Variants in PTPRD observed in about 807,000 individuals in gnomAD.
PTPRD encodes receptor-type tyrosine-protein phosphatase delta.
Under a neutral mutation model 214.5 loss-of-function variants are expected in PTPRD, and 34 were observed. That is an observed-to-expected ratio of 0.16 (90% CI 0.12 to 0.21). The LOEUF (loss-of-function observed/expected upper bound fraction) is 0.21, where lower values mean the gene tolerates loss of function less well. Among genes scored for constraint, PTPRD ranks in the 10% least tolerant of loss-of-function variants. The pLI is 1.00. For missense variants in PTPRD, 2,545 were observed against 2,398.7 expected, an observed-to-expected ratio of 1.06 and a Z score of -1.27; for synonymous variants, 1,128 against 845.7, an observed-to-expected ratio of 1.33 and a Z score of -5.79.
chr9:8,466,836 T>C (rs994983052), intron 31 of PTPRD, among the ~76,000 whole-genome samples: 2 of 151,834 alleles, frequency 1.3e-5, no homozygotes, highest in African/African-American at 2.4e-5. Flanking sequence ...AGCCCTGTTT[T>C]TGTAAATAGA....
intron 2 of PTPRD, among the ~76,000 whole-genome samples, chr9:10,573,472 C>T (rs1784591923): frequency 6.6e-6 from 1 of 152,050 alleles, no homozygotes; most frequent in Non-Finnish European, 1.5e-5. Flanking sequence ...GAACAAGAAA[C>T]AGTATTTGTA....
At chr9:9,779,947 A>G (rs1229867700) in intron 5 of PTPRD, among the ~76,000 whole-genome samples, 1 of 152,216 alleles carries the variant, frequency 6.6e-6, no homozygotes, top group Non-Finnish European at 1.5e-5. Context: ...CCAAAAAGAC[A>G]CATACGCTCA....
intron 11 of PTPRD, among the ~76,000 whole-genome samples, chr9:8,773,221 A>G (rs2095310869): frequency 1.3e-5 from 2 of 152,148 alleles, no homozygotes; most frequent in African/African-American, 4.8e-5. Flanking sequence ...ACTCTCTTGA[A>G]TATCAACCAG....
chr9:9,318,292 A>C (rs1002048084), intron 9 of PTPRD, among the ~76,000 whole-genome samples: 1 of 151,988 alleles, frequency 6.6e-6, no homozygotes, highest in African/African-American at 2.4e-5. Flanking sequence ...GCCACAATTA[A>C]AATACATAAA....
intron 10 of PTPRD, among the ~76,000 whole-genome samples, chr9:9,052,993 C>G (rs2099689307): frequency 1.3e-5 from 2 of 152,064 alleles, no homozygotes; most frequent in African/African-American, 4.8e-5. Context: ...TAAATGTCCT[C>G]TGAAGTAGTT....
At chr9:9,673,771 T>C (rs765990447) in intron 7 of PTPRD, among the ~76,000 whole-genome samples, 1 of 148,028 alleles carries the variant, frequency 6.8e-6, no homozygotes, top group Non-Finnish European at 1.5e-5. Flanking sequence ...ATGGTAGAAA[T>C]ACAGAAACCC....
At chr9:8,961,814 T>G (rs1335747419) in intron 11 of PTPRD, among the ~76,000 whole-genome samples, 1 of 152,102 alleles carries the variant, frequency 6.6e-6, no homozygotes, top group Admixed American at 6.6e-5. Flanking sequence ...AATCCAGGAC[T>G]GCAGTTTCCA....
intron 44 of PTPRD, among the ~76,000 whole-genome samples, chr9:8,329,519 G>C (rs1044214416): frequency 1.3e-5 from 2 of 152,170 alleles, no homozygotes; most frequent in African/African-American, 4.8e-5. Context: ...GAGAGAGTCT[G>C]TCCCTTATCA....
In PTPRD at chr9:10,033,452, C is replaced by T. The variant is rs373419374; in HGVS notation, c.-472+266G>A. The stretch of plus-strand genomic sequence containing the variant: ...AAATTAGCTAAAAGTAATACTAGCA[C>T]AACTTTAAAATTAAAAATACTGCTT... On this transcript the variant is annotated intron_variant, in intron 4 of 45. Transcript: ENST00000381196. Among the ~76,000 whole-genome samples the T allele has an allele frequency of 4.6e-5, 7 of 151,752 alleles. No homozygotes were observed. The East Asian group carries it at 9.6e-4, about 21-fold the overall frequency.
intron 32 of PTPRD, among the ~76,000 whole-genome samples, chr9:8,463,680 C>T (rs1028777883): frequency 2.0e-5 from 3 of 151,798 alleles, no homozygotes; most frequent in East Asian, 1.9e-4. Flanking sequence ...ATTTCTTGTG[C>T]GTGGCAATAA....
intron 10 of PTPRD, among the ~76,000 whole-genome samples, chr9:9,114,002 A>C (rs921387570): frequency 3.3e-5 from 5 of 152,184 alleles, no homozygotes; most frequent in African/African-American, 1.2e-4. Flanking sequence ...GGTTTACTCT[A>C]TATTTGACAA....
At chr9:9,984,647 C>T (rs1011868898) in intron 4 of PTPRD, among the ~76,000 whole-genome samples, 1 of 152,258 alleles carries the variant, frequency 6.6e-6, no homozygotes. Flanking sequence ...TGGGCATTTA[C>T]ACTTAATGGG....
intron 7 of PTPRD, among the ~76,000 whole-genome samples, chr9:9,610,754 A>C (rs909711518): frequency 6.6e-6 from 1 of 152,132 alleles, no homozygotes; most frequent in East Asian, 1.9e-4. Flanking sequence ...CATAAAAGTA[A>C]TTCATTCTCA....
chr9:10,359,306 T>C (rs536581791), intron 2 of PTPRD, among the ~76,000 whole-genome samples: 8 of 152,148 alleles, frequency 5.3e-5, no homozygotes, highest in Non-Finnish European at 1.0e-4. Context: ...TTATAAGCCA[T>C]GTAGTAAAGA....
At position 10,103,265 on chromosome 9, in the gene PTPRD, T is replaced by C. The variant is rs921158679; in HGVS notation, c.-544-69475A>G. On this transcript the variant is annotated intron_variant, in intron 3 of 45. Coordinates refer to ENST00000381196, the MANE Select transcript of PTPRD (RefSeq NM_002839.4). Reference sequence around the variant, plus strand: ...TTTAAGTAAATCTGGAGTTCCCTTTTCATAACTATCTATATATTTCTTGAT... The same window carrying C: ...TTTAAGTAAATCTGGAGTTCCCTTTCCATAACTATCTATATATTTCTTGAT... Among the ~76,000 whole-genome samples, 4 of 150,972 alleles carry C rather than the reference T, an allele frequency of 2.6e-5. No individual in the cohort carries two copies. The East Asian group carries it at 7.8e-4, about 30-fold the overall frequency.
At chr9:9,975,311 G>T (rs2095312869) in intron 4 of PTPRD, among the ~76,000 whole-genome samples, 1 of 152,200 alleles carries the variant, frequency 6.6e-6, no homozygotes, top group African/African-American at 2.4e-5. Context: ...CCTTCGTATA[G>T]TTTCAGACAT....
intron 11 of PTPRD, among the ~76,000 whole-genome samples, chr9:8,780,980 T>C (rs1201753364): frequency 1.3e-5 from 2 of 152,158 alleles, no homozygotes; most frequent in Admixed American, 1.3e-4. Flanking sequence ...CAGTGAAAAA[T>C]ACCCAGGGGA....
chr9:8,599,003 T>C (rs1564622406), intron 14 of PTPRD, among the ~76,000 whole-genome samples: 1 of 152,222 alleles, frequency 6.6e-6, no homozygotes, highest in Non-Finnish European at 1.5e-5. Context: ...CCTTGAATTG[T>C]AGCTCCCATA....
At chr9:8,685,492 G>C (rs1388235424) in intron 12 of PTPRD, among the ~76,000 whole-genome samples, 1 of 151,984 alleles carries the variant, frequency 6.6e-6, no homozygotes, top group East Asian at 1.9e-4. Context: ...ATGTAAAACA[G>C]ACTGGGTGTG....
Sources: allele counts gnomAD v4.1 joint callset (sites outside exome capture counted in the v4.1 genomes callset), GRCh38; gene constraint gnomAD v4.1.1; transcripts MANE v1.5; gene names NCBI Gene and HGNC (gene_info 2026-07-23, HGNC 2026-07-21).